The following FBXL17 variants were observed in gnomAD, a reference collection of about 807,000 sequenced individuals.
The protein encoded by FBXL17 is F-box and leucine rich repeat protein 17, also known as F-box/LRR-repeat protein 17.
A neutral mutation model predicts 66.2 loss-of-function variants in FBXL17; 22 were observed. The ratio of observed to expected loss-of-function variants is 0.33; its 90% CI spans 0.24 to 0.47. The LOEUF (loss-of-function observed/expected upper bound fraction) is 0.47. Ranked by LOEUF, FBXL17 falls within the 20% of genes least tolerant of loss-of-function variation. FBXL17 has a pLI of 1.00. For synonymous variants in FBXL17, 474 were observed against 400.5 expected (o/e 1.18, Z -2.19); for missense variants, 878 against 948.2 (o/e 0.93, Z 0.97).
intron 7 of FBXL17, among the ~76,000 whole-genome samples, chr5:108,016,081 T>C (rs1754375227): frequency 6.6e-6 from 1 of 152,148 alleles, no homozygotes; most frequent in Non-Finnish European, 1.5e-5. Context: ...CAGAATGAAA[T>C]TTTTTTATCA....
At chr5:108,056,754 A>G (rs530276221) in intron 6 of FBXL17, among the ~76,000 whole-genome samples, 12 of 152,300 alleles carry the variant, frequency 7.9e-5, no homozygotes, top group African/African-American at 2.6e-4. Context: ...TAGTCCATGA[A>G]CTTTTGAAAT....
intron 4 of FBXL17, among the ~76,000 whole-genome samples, chr5:108,252,566 AAG>A (rs1260910456): frequency 6.6e-6 from 1 of 152,158 alleles, no homozygotes; most frequent in Non-Finnish European, 1.5e-5. Flanking sequence ...AAAACATAGT[AAG>A]ATAGTTGGTG....
intron 7 of FBXL17, among the ~76,000 whole-genome samples, chr5:107,971,916 T>G (rs777366822): frequency 6.6e-6 from 1 of 152,228 alleles, no homozygotes; most frequent in Non-Finnish European, 1.5e-5. Flanking sequence ...TCTAAGCTCC[T>G]GCTCATACCT....
At chr5:108,143,852 A>C (rs972233548) in intron 6 of FBXL17, among the ~76,000 whole-genome samples, 2 of 152,038 alleles carry the variant, frequency 1.3e-5, no homozygotes, top group Non-Finnish European at 2.9e-5. Flanking sequence ...TTTGGCAAGG[A>C]AAACACAACT....
At chr5:107,892,214 A>G (rs183400144) in intron 7 of FBXL17, among the ~76,000 whole-genome samples, 36 of 152,316 alleles carry the variant, frequency 2.4e-4, no homozygotes, top group Admixed American at 2.1e-3. Context: ...TTGAAAAATC[A>G]TAACTCAAAC....
chr5:108,341,464 G>A (rs923516600), intron 4 of FBXL17, among the ~76,000 whole-genome samples: 1 of 152,146 alleles, frequency 6.6e-6, no homozygotes, highest in Admixed American at 6.5e-5. Context: ...TCAAGCAGCA[G>A]CAGCAAATTT....
chr5:108,044,757 G>T (rs1272807217), intron 6 of FBXL17, among the ~76,000 whole-genome samples: 2 of 152,120 alleles, frequency 1.3e-5, no homozygotes, highest in Non-Finnish European at 2.9e-5. Flanking sequence ...GTGAAACTAT[G>T]TGGACCTGGA....
At chr5:108,071,732 C>T (rs568514279) in intron 6 of FBXL17, among the ~76,000 whole-genome samples, 6 of 152,130 alleles carry the variant, frequency 3.9e-5, no homozygotes, top group Non-Finnish European at 7.3e-5. Context: ...TGCATTTTCC[C>T]CTTTCATTCA....
intron 6 of FBXL17, among the ~76,000 whole-genome samples, chr5:108,069,468 T>A (rs944109491): frequency 6.6e-6 from 1 of 152,216 alleles, no homozygotes; most frequent in Non-Finnish European, 1.5e-5. Flanking sequence ...TTTTGAAGAA[T>A]AATTTTGTGT....
intron 4 of FBXL17, among the ~76,000 whole-genome samples, chr5:108,331,571 C>G (rs1370766437): frequency 6.6e-6 from 1 of 152,200 alleles, no homozygotes; most frequent in Non-Finnish European, 1.5e-5. Context: ...AATAGCACTT[C>G]TAGCAATCAA....
intron 7 of FBXL17, among the ~76,000 whole-genome samples, chr5:107,935,497 G>A (rs1410279094): frequency 6.6e-6 from 1 of 151,900 alleles, no homozygotes; most frequent in Non-Finnish European, 1.5e-5. Context: ...AGTATTGTCA[G>A]TGGTAATGGA....
In FBXL17 at chr5:107,863,036, G is replaced by A. The variant is rs1748171618; in HGVS notation, c.1966-1176C>T. On this transcript the variant is annotated intron_variant, in intron 8 of 8. Transcript: ENST00000542267. ...ATTTCTCTACTTAAGACTTGCTTGC[G>A]TTTAAGTGAACTTTTATTCCAAATT... Among the ~76,000 whole-genome samples, 3 of 151,386 alleles carry A rather than the reference G, an allele frequency of 2.0e-5. No individual in the cohort carries two copies. The South Asian group carries it at 6.2e-4, about 31-fold the overall frequency.
At chr5:107,901,942 A>T (rs1749579230) in intron 7 of FBXL17, among the ~76,000 whole-genome samples, 1 of 152,208 alleles carries the variant, frequency 6.6e-6, no homozygotes, top group Non-Finnish European at 1.5e-5. Flanking sequence ...TTAGGAATGT[A>T]GCTGCAGTGT....
chr5:108,030,307 G>T (rs569095467), intron 6 of FBXL17, among the ~76,000 whole-genome samples: 1 of 152,240 alleles, frequency 6.6e-6, no homozygotes, highest in African/African-American at 2.4e-5. Context: ...AACCAGTGTG[G>T]AAGACTGATA....
intron 6 of FBXL17, among the ~76,000 whole-genome samples, chr5:108,092,347 C>T (rs1415493135): frequency 2.0e-5 from 3 of 152,132 alleles, no homozygotes; most frequent in Non-Finnish European, 4.4e-5. Flanking sequence ...ACTCCTGTTG[C>T]ACAGGTTGGA....
At chr5:107,868,414 C>G (rs1748345022) in intron 8 of FBXL17, among the ~76,000 whole-genome samples, 1 of 152,172 alleles carries the variant, frequency 6.6e-6, no homozygotes, top group Non-Finnish European at 1.5e-5. Context: ...ACTTGGCCTG[C>G]AGAACAGTCT....
chr5:108,019,006 C>A (rs542295922), intron 7 of FBXL17, among the ~76,000 whole-genome samples: 123 of 152,128 alleles, frequency 8.1e-4, no homozygotes, highest in African/African-American at 2.8e-3. Context: ...TAAATGTAAA[C>A]CATATTGGTA....
At chr5:107,934,035 A>T (rs1336275784) in intron 7 of FBXL17, among the ~76,000 whole-genome samples, 1 of 152,104 alleles carries the variant, frequency 6.6e-6, no homozygotes, top group East Asian at 1.9e-4. Context: ...TTTAAGCCCT[A>T]CCTGTCTTTT....
chr5:107,956,112 A>G (rs1235745694), intron 7 of FBXL17, among the ~76,000 whole-genome samples: 3 of 152,156 alleles, frequency 2.0e-5, no homozygotes, highest in Non-Finnish European at 4.4e-5. Flanking sequence ...AGTAAAAGTC[A>G]ATTTCTTTTT....
Sources: gnomAD v4.1 joint callset for allele counts (sites outside exome capture counted in the v4.1 genomes callset) on GRCh38, gnomAD v4.1.1 for gene constraint, MANE v1.5 for transcripts, NCBI Gene and HGNC (gene_info 2026-07-23, HGNC 2026-07-21) for gene names.